PLCB3: variants seen among roughly 807,000 people sequenced by gnomAD.
The protein encoded by PLCB3 is 1-phosphatidylinositol 4,5-bisphosphate phosphodiesterase beta-3.
In PLCB3, 54 loss-of-function variants were observed where a neutral mutation model predicts 152.1. The ratio of observed to expected loss-of-function variants is 0.36; its 90% CI spans 0.29 to 0.45. PLCB3 has a LOEUF of 0.45. Among genes scored for constraint, PLCB3 ranks in the 20% least tolerant of loss-of-function variants. PLCB3 has a pLI of 1.00. For synonymous variants in PLCB3, 717 were observed against 698.7 expected (o/e 1.03, Z -0.41); for missense variants, 1,248 against 1,687.5 (o/e 0.74, Z 4.56).
Position 64,262,479 on chromosome 11 carries a change from T to G in PLCB3, c.2111T>G (p.Phe704Cys). ...GRSGYLLKPE[F>C]MRRPDKSFDP... ...AGCGGGTACCTGCTCAAGCCGGAGTTCATGCGGCGGCCGGACAAGTCCTTC... is the reference window on the plus strand; with the variant it reads ...AGCGGGTACCTGCTCAAGCCGGAGTGCATGCGGCGGCCGGACAAGTCCTTC... Residue 704 changes from phenylalanine to cysteine, a missense_variant, in exon 18 of 31, where the codon TTC (phenylalanine) becomes TGC (cysteine). Transcript: ENST00000279230. 1.2e-6 allele frequency: 2 copies of G among 1,613,994 alleles called. No homozygotes were observed. The highest frequency in any genetic ancestry group is 4.5e-5 in the East Asian group (2 of 44,880).
intron 1 of PLCB3, among the ~76,000 whole-genome samples, chr11:64,252,605 G>A (rs1160070065): frequency 2.6e-5 from 4 of 152,236 alleles, no homozygotes; most frequent in African/African-American, 9.6e-5. Context: ...TTCCGGCTGG[G>A]TGGGGCCCCG....
chr11:64,262,499 T>A lies in PLCB3; in HGVS notation c.2131T>A (p.Ser711Thr). 1 of 1,613,956 alleles carries A rather than the reference T, an allele frequency of 6.2e-7. No homozygotes were observed. The highest frequency in any genetic ancestry group is 8.5e-7 in the Non-Finnish European group (1 of 1,180,018). ...GGAGTTCATGCGGCGGCCGGACAAG[T>A]CCTTCGACCCCTTCACTGAGGTCAT... is the stretch of plus-strand genomic sequence containing the variant. ...KPEFMRRPDK[S>T]FDPFTEVIVD... The change falls in exon 18 of 31, where the codon TCC (serine) becomes ACC (threonine). Residue 711 changes from serine to threonine, a missense_variant. Coordinates refer to ENST00000279230, the MANE Select transcript of PLCB3 (RefSeq NM_000932.5).
rs1483358400 is a variant in PLCB3, at chr11:64,261,668, A to G, written c.1913+3A>G. On this transcript the variant is annotated splice_donor_region_variant and intron_variant, in intron 16 of 30. Transcript: ENST00000279230. ...AAGAGCCCCATGGAGTTTGTGGAGT[A>G]TCCTTTGAAGGTGCTGTGGGCGGGC... 6.2e-6 allele frequency: 10 copies of G among 1,613,200 alleles called. No individual in the cohort carries two copies. Among genetic ancestry groups the G allele is most frequent in the Middle Eastern group, 1.6e-4 (1 of 6,062 alleles).
chr11:64,267,233 C>A lies in PLCB3; in HGVS notation c.3463C>A (p.Gln1155Lys). 1 of 1,550,428 alleles carries A rather than the reference C, an allele frequency of 6.4e-7. No homozygotes were observed. The highest frequency in any genetic ancestry group is 1.8e-4 in the Middle Eastern group (1 of 5,512). Residue 1155 changes from glutamine (Q) to lysine (K), a missense_variant, in exon 30 of 31, where the codon CAG becomes AAG. Physicochemically the swap from Gln to Lys is moderately conservative, Grantham distance 53 (BLOSUM62 1). Coordinates refer to ENST00000279230, the MANE Select transcript of PLCB3 (RefSeq NM_000932.5). The surrounding 1 kb of genome is among the most constrained non-coding windows in gnomAD (Gnocchi z 5.2). ...GCATGACCGTCTTGTGGCTGGGCAG[C>A]AGCAGGTCCTGCAACAGCTGGCAGA... ...QRHDRLVAGQ[Q>K]QVLQQLAEEE...
rs374648919 is a variant in PLCB3, at chr11:64,256,579, G to A, written c.865+37G>A. The A allele has an allele frequency of 5.6e-6, 9 of 1,613,218 alleles. No homozygotes were observed. The African/African-American group carries it at 8.0e-5, about 14-fold the overall frequency. ...GGGGTGCAGGTGGGTGGGGGCAGGT[G>A]GGACCCCAGCTGACCCTGCTGATCC... On this transcript the variant is annotated intron_variant, in intron 9 of 30. Transcript: ENST00000279230.
In PLCB3 at chr11:64,267,526, G is replaced by C; in HGVS notation, c.3675G>C (p.Ser1225=). Residue 1225 remains serine, a synonymous_variant, in exon 31 of 31, where the codon TCG becomes TCC. Coordinates refer to ENST00000279230, the MANE Select transcript of PLCB3 (RefSeq NM_000932.5). The surrounding 1 kb of genome is among the most constrained non-coding windows in gnomAD (Gnocchi z 5.2). ...GCGGGCACCTGTCGGGCGCTGACTC[G>C]GAGAGCCAGGAGGAGAACACGCAGC... The part of the protein sequence containing the change: ...GSSGHLSGAD[S]ESQEENTQL 1 of 1,565,836 alleles carries C rather than the reference G, an allele frequency of 6.4e-7. No individual in the cohort carries two copies. Among genetic ancestry groups the C allele is most frequent in the Non-Finnish European group, 8.6e-7 (1 of 1,159,978 alleles).
rs2031704035 is a variant in PLCB3 at position 64,259,153 on chromosome 11, A to G, written c.1434A>G (p.Pro478=). 1 of 1,609,158 alleles carries G rather than the reference A, an allele frequency of 6.2e-7. No homozygotes were observed. Among genetic ancestry groups the G allele is most frequent in the Non-Finnish European group, 8.5e-7 (1 of 1,178,220 alleles). Reference sequence around the variant, plus strand: ...GGCACCGACCCAGCGCAGGTGGCCCAGACAGCGCCGGGCGCAAGCGGCCCC... The same window carrying G: ...GGCACCGACCCAGCGCAGGTGGCCCGGACAGCGCCGGGCGCAAGCGGCCCC... ...KKRHRPSAGG[P]DSAGRKRPLE... is the part of the protein sequence containing the mutation. Residue 478 remains proline, a synonymous_variant, in exon 13 of 31, where the codon CCA becomes CCG. Transcript: ENST00000279230.
intron 14 of PLCB3, 67 bp downstream of exon 14, chr11:64,260,301 AC>A: frequency 1.7e-6 from 2 of 1,168,070 alleles, no homozygotes; most frequent in East Asian, 2.6e-5. Flanking sequence ...GCTGGGTCTG[AC>A]CATCAACAAG....
At position 64,258,341 on chromosome 11, in the gene PLCB3, A is replaced by T; in HGVS notation, c.1013-132A>T. On this transcript the variant is annotated intron_variant, in intron 10 of 30. Transcript: ENST00000279230. This position sits in a 1 kb window ranked among gnomAD's most constrained non-coding sequence, Gnocchi z 7.2. ...CCCCCAGCTCACGCTGGTGGGATGG[A>T]CAGGTGGTGGGTATCCATCTGAGAG... The T allele has an allele frequency of 2.0e-6, 2 of 988,718 alleles. No individual in the cohort carries two copies. Among genetic ancestry groups the T allele is most frequent in the Non-Finnish European group, 2.9e-6 (2 of 684,144 alleles). The allele number at this position is 988,718 out of a possible 1,614,324, so 61.2% of individuals were successfully genotyped here.
At chr11:64,262,880 G>A in intron 19 of PLCB3, 72 bp downstream of exon 19, 1 of 1,493,866 alleles carries the variant, frequency 6.7e-7, no homozygotes, top group East Asian at 2.3e-5. Context: ...TCAGGTGGGA[G>A]AACAGGAACC....
chr11:64,255,199 C>G lies in PLCB3; in HGVS notation c.388-35C>G. ...GTGGCTGGGCAGCCCCTGTGTCCCC[C>G]ACTCACCGCCTCCCCGTGTATACTG... is the stretch of plus-strand genomic sequence containing the variant. On this transcript the variant is annotated intron_variant, in intron 4 of 30. Coordinates refer to ENST00000279230, the MANE Select transcript of PLCB3 (RefSeq NM_000932.5). The surrounding 1 kb of genome is among the most constrained non-coding windows in gnomAD (Gnocchi z 6.8). The G allele has an allele frequency of 6.4e-7, 1 of 1,570,324 alleles. No individual in the cohort carries two copies. Among genetic ancestry groups the G allele is most frequent in the South Asian group, 1.1e-5 (1 of 90,078 alleles).
Position 64,254,455 on chromosome 11 carries a change from C to A in PLCB3, c.140C>A (p.Pro47His). The stretch of plus-strand genomic sequence containing the variant: ...AACCTGGTGACCCTGCGTGTGGACC[C>A]CAATGGCTTCTTCTTGTACTGGACG... ...SRNLVTLRVD[P>H]NGFFLYWTGP... Residue 47 changes from proline (P) to histidine (H), a missense_variant, in exon 2 of 31, where the codon CCC (proline) becomes CAC (histidine). Physicochemically the swap from Pro to His is moderately conservative, Grantham distance 77 (BLOSUM62 -2). Coordinates refer to ENST00000279230, the MANE Select transcript of PLCB3 (RefSeq NM_000932.5). The A allele has an allele frequency of 6.2e-7, 1 of 1,613,982 alleles. No homozygotes were observed.
intron 1 of PLCB3, among the ~76,000 whole-genome samples, chr11:64,252,060 C>T (rs1337122383): frequency 2.6e-5 from 4 of 152,144 alleles, no homozygotes; most frequent in Non-Finnish European, 5.9e-5. Flanking sequence ...TCTCGTTCCC[C>T]GATCCTGGCC....
chr11:64,263,297 C>T (rs114426828), intron 19 of PLCB3: 571 of 565,758 alleles, frequency 1.0e-3, no homozygotes, highest in African/African-American at 9.5e-3. Context: ...CCTCAGGGTC[C>T]TGATGGCTGC....
At chr11:64,256,228 A>C in intron 8 of PLCB3, 148 bp from the exon 9 acceptor site, 1 of 656,002 alleles carries the variant, frequency 1.5e-6, no homozygotes, top group South Asian at 1.9e-5. Context: ...TGAGGCCCAG[A>C]GGTTGGCCAT....
At position 64,266,054 on chromosome 11, in the gene PLCB3, G is replaced by A. The variant is rs757575301; in HGVS notation, c.3189+15G>A. On this transcript the variant is annotated intron_variant, in intron 26 of 30. Transcript: ENST00000279230. This position sits in a 1 kb window ranked among gnomAD's most constrained non-coding sequence, Gnocchi z 4.9. The stretch of plus-strand genomic sequence containing the variant: ...ACCTGAGACAGGTAGGGGGCCTGCA[G>A]TGGCCAGGGAAAGCCTGCTGGATAG... The A allele has an allele frequency of 6.2e-7, 1 of 1,613,958 alleles. No homozygotes were observed.
chr11:64,266,047 G>T lies in PLCB3; in HGVS notation c.3189+8G>T. ...CTGGAACACCTGAGACAGGTAGGGG[G>T]CCTGCAGTGGCCAGGGAAAGCCTGC... is the stretch of plus-strand genomic sequence containing the variant. On this transcript the variant is annotated splice_region_variant and intron_variant, in intron 26 of 30. Transcript: ENST00000279230. This position sits in a 1 kb window ranked among gnomAD's most constrained non-coding sequence, Gnocchi z 4.9. The T allele has an allele frequency of 6.2e-7, 1 of 1,613,934 alleles. No homozygotes were observed. The highest frequency in any genetic ancestry group is 1.7e-5 in the Admixed American group (1 of 60,008).
chr11:64,260,516 GACAGCATGT>G (rs1389718402), intron 14 of PLCB3, among the ~76,000 whole-genome samples: 1 of 151,986 alleles, frequency 6.6e-6, no homozygotes. Flanking sequence ...CAGGAAGGGG[GACAGCATGT>G]ACAAAGGTCC....
At position 64,266,467 on chromosome 11, in the gene PLCB3, C is replaced by G; in HGVS notation, c.3357-28C>G. On this transcript the variant is annotated intron_variant, in intron 28 of 30. Transcript: ENST00000279230. This position sits in a 1 kb window ranked among gnomAD's most constrained non-coding sequence, Gnocchi z 4.9. ...GGAGGCAGGGCAGGTGTCTGGGCCC[C>G]GAGCCATCCTGCGTTGCTCCCGTGC... The G allele has an allele frequency of 6.2e-7, 1 of 1,612,036 alleles. No homozygotes were observed. The highest frequency in any genetic ancestry group is 8.5e-7 in the Non-Finnish European group (1 of 1,178,358).
Sources: gnomAD v4.1 joint callset for allele counts (sites outside exome capture counted in the v4.1 genomes callset) on GRCh38, gnomAD v4.1.1 for gene constraint, Gnocchi (gnomAD v3.1) non-coding constraint, MANE v1.5 for transcripts, NCBI Gene and HGNC (gene_info 2026-07-23, HGNC 2026-07-21) for gene names.